The following TTLL11 variants were observed in gnomAD, a reference collection of about 807,000 sequenced individuals.
TTLL11 encodes tubulin tyrosine ligase like 11, also known as tubulin polyglutamylase TTLL11.
A neutral mutation model predicts 51.7 loss-of-function variants in TTLL11; 42 were observed. The observed-to-expected ratio is 0.81, with a 90% confidence interval of 0.64 to 1.05. The LOEUF (loss-of-function observed/expected upper bound fraction) is 1.05, where lower values mean the gene tolerates loss of function less well. TTLL11 is among the 50% of genes least tolerant of loss of function. The pLI is 0.00. For synonymous variants in TTLL11, 381 were observed against 383.5 expected, an observed-to-expected ratio of 0.99 and a Z score of 0.08; for missense variants, 799 against 940.4, an observed-to-expected ratio of 0.85 and a Z score of 1.97.
intron 6 of TTLL11, among the ~76,000 whole-genome samples, chr9:121,951,771 T>C (rs1199790282): frequency 2.6e-5 from 4 of 152,042 alleles, no homozygotes; most frequent in African/African-American, 9.7e-5. Flanking sequence ...ATTAAGAAAG[T>C]AGAGGAATAA....
rs2131695216 is a variant in TTLL11 at position 121,989,911 on chromosome 9, T to C, written c.694-141A>G. On this transcript the variant is annotated intron_variant, in intron 3 of 8. Coordinates refer to ENST00000321582, the MANE Select transcript of TTLL11 (RefSeq NM_001139442.2). The surrounding 1 kb of genome is among the most constrained non-coding windows in gnomAD (Gnocchi z 4.2). The stretch of plus-strand genomic sequence containing the variant: ...CTGAGCAGGGGCTGAGCATCTTCCA[T>C]GGAGATGACACTGCACAAGGTACTG... 33 of 1,466,068 alleles carry C rather than the reference T, an allele frequency of 2.3e-5. No homozygotes were observed. The highest frequency in any genetic ancestry group is 2.8e-5 in the Non-Finnish European group (31 of 1,114,210). The allele number at this position is 1,466,068 out of a possible 1,614,324, so 90.8% of individuals were successfully genotyped here. A position where few individuals can be genotyped will look rare whatever the true frequency, so the allele number is the denominator to read the frequency against.
chr9:121,841,003 G>A (rs565888744), intron 8 of TTLL11, among the ~76,000 whole-genome samples: 41 of 152,202 alleles, frequency 2.7e-4, no homozygotes, highest in Non-Finnish European at 5.3e-4. Context: ...GACGGCTGGG[G>A]AGGTGTGCCT....
intron 8 of TTLL11, among the ~76,000 whole-genome samples, chr9:121,828,063 C>G (rs1425773333): frequency 6.6e-6 from 1 of 152,160 alleles, no homozygotes; most frequent in Non-Finnish European, 1.5e-5. Flanking sequence ...GCCATAGAGC[C>G]CATGCATGGC....
chr9:122,039,492 A>T (rs1844786006), intron 1 of TTLL11, 124 bp from the exon 2 acceptor site: 1 of 650,030 alleles, frequency 1.5e-6, no homozygotes, highest in Middle Eastern at 2.6e-4. Flanking sequence ...TATAATACGC[A>T]TATGAGGTAA....
intron 1 of TTLL11, among the ~76,000 whole-genome samples, chr9:122,049,571 C>T (rs1327133805): frequency 6.6e-6 from 1 of 152,198 alleles, no homozygotes; most frequent in African/African-American, 2.4e-5. Flanking sequence ...AAGTTCCTCC[C>T]CCAGAGTATA....
At chr9:121,910,967 A>G (rs779159119) in intron 6 of TTLL11, among the ~76,000 whole-genome samples, 11 of 152,172 alleles carry the variant, frequency 7.2e-5, no homozygotes, top group African/African-American at 2.7e-4. Flanking sequence ...TGTGGGGGAA[A>G]CTGGTTTTTC....
rs2131658013 is a variant in TTLL11 at position 121,974,011 on chromosome 9, A to G, written c.1479T>C (p.Asn493=). The G allele has an allele frequency of 6.4e-7, 1 of 1,550,934 alleles. No individual in the cohort carries two copies. The highest frequency in any genetic ancestry group is 8.7e-7 in the Non-Finnish European group (1 of 1,146,296). ...GAATGACATAAAAAAGTACTTACTG[A>G]TTCTCTCTTTTCTTCTTAAGTGGGT... ...LMDPLKKKRE[N]QSQQLEKPFA... The change falls in exon 6 of 9, where the codon AAT becomes AAC. Residue 493 remains asparagine (N), a splice_region_variant and synonymous_variant. Transcript: ENST00000321582.
chr9:121,956,029 T>C (rs1842004819), intron 6 of TTLL11, among the ~76,000 whole-genome samples: 1 of 152,240 alleles, frequency 6.6e-6, no homozygotes, highest in Admixed American at 6.5e-5. Flanking sequence ...CTGATATGTT[T>C]ACTGATCATG....
intron 3 of TTLL11, among the ~76,000 whole-genome samples, chr9:122,006,994 A>AC (rs1423523226): frequency 1.3e-5 from 2 of 150,356 alleles, no homozygotes; most frequent in African/African-American, 4.9e-5. Context: ...AAAAAAAAAA[A>AC]AAAAAAAAAA....
At chr9:121,990,168 A>T (rs1404640987) in intron 3 of TTLL11, among the ~76,000 whole-genome samples, 1 of 152,244 alleles carries the variant, frequency 6.6e-6, no homozygotes, top group Non-Finnish European at 1.5e-5. Context: ...TTACCTAATT[A>T]GCTCATCTAA....
intron 3 of TTLL11, among the ~76,000 whole-genome samples, chr9:122,011,638 G>A (rs1034931072): frequency 6.6e-6 from 1 of 152,086 alleles, no homozygotes; most frequent in Non-Finnish European, 1.5e-5. Flanking sequence ...GTGGTTAGGG[G>A]TACATATAGG....
chr9:122,092,835 G>C lies in TTLL11; in HGVS notation c.314C>G (p.Pro105Arg). Residue 105 changes from proline to arginine, a missense_variant, in exon 1 of 9, where the codon CCC becomes CGC. This residue lies in a region of TTLL11 where 166 missense variants were observed against 161.6 expected (regional missense o/e 1.03). Coordinates refer to ENST00000321582, the MANE Select transcript of TTLL11 (RefSeq NM_001139442.2). ...CTTGCAGCTTCGGCCCTTGTCCCGG[G>C]GCTTCCCGTGCGGGCAGAGGCCCTG... ...PVQGLCPHGK[P>R]RDKGRSCKRS... The C allele has an allele frequency of 1.9e-6, 3 of 1,561,030 alleles. No homozygotes were observed. Among genetic ancestry groups the C allele is most frequent in the Non-Finnish European group, 2.6e-6 (3 of 1,160,798 alleles).
intron 7 of TTLL11, among the ~76,000 whole-genome samples, chr9:121,865,322 G>A (rs535497298): frequency 6.6e-6 from 1 of 152,126 alleles, no homozygotes; most frequent in South Asian, 2.1e-4. Context: ...AAGGGGAAAG[G>A]GGAAAGGAAG....
intron 4 of TTLL11, among the ~76,000 whole-genome samples, chr9:121,982,146 G>A (rs559513880): frequency 6.6e-6 from 1 of 152,144 alleles, no homozygotes; most frequent in Non-Finnish European, 1.5e-5. Flanking sequence ...TGCTGTTTAG[G>A]TTTACCTCCT....
chr9:121,939,966 G>C (rs1227814901), intron 6 of TTLL11, among the ~76,000 whole-genome samples: 1 of 152,118 alleles, frequency 6.6e-6, no homozygotes, highest in Non-Finnish European at 1.5e-5. Flanking sequence ...GAGGACGAGA[G>C]GTGAGTGAAT....
intron 8 of TTLL11, among the ~76,000 whole-genome samples, chr9:121,827,207 C>T (rs1836839498): frequency 6.6e-6 from 1 of 152,092 alleles, no homozygotes; most frequent in Non-Finnish European, 1.5e-5. Context: ...CCGAGGGAGT[C>T]CAGTATGCCA....
chr9:121,950,794 C>T (rs1588148463), intron 6 of TTLL11, among the ~76,000 whole-genome samples: 1 of 152,144 alleles, frequency 6.6e-6, no homozygotes, highest in African/African-American at 2.4e-5. Flanking sequence ...CGCCTGGGCT[C>T]CTAACGACAC....
intron 8 of TTLL11, among the ~76,000 whole-genome samples, chr9:121,842,137 T>G (rs1445558375): frequency 6.6e-6 from 1 of 152,134 alleles, no homozygotes; most frequent in Non-Finnish European, 1.5e-5. Context: ...AGGCTGGGGA[T>G]GTAGAAAGTC....
intron 1 of TTLL11, among the ~76,000 whole-genome samples, chr9:122,090,942 T>C (rs184640501): frequency 1.3e-5 from 2 of 152,340 alleles, no homozygotes; most frequent in Admixed American, 1.3e-4. Flanking sequence ...TGACCTGTAA[T>C]GACCGCAATT....
Sources: allele counts gnomAD v4.1 joint callset (sites outside exome capture counted in the v4.1 genomes callset), GRCh38; gene constraint gnomAD v4.1.1; regional missense constraint gnomAD v4.1.1; non-coding constraint Gnocchi (gnomAD v3.1); transcripts MANE v1.5; gene names NCBI Gene and HGNC (gene_info 2026-07-23, HGNC 2026-07-21).